Variants in SLAIN2 observed in about 807,000 individuals in gnomAD.
SLAIN2 encodes SLAIN motif-containing protein 2.
Under a neutral mutation model 56.6 loss-of-function variants are expected in SLAIN2, and 31 were observed. The observed-to-expected ratio is 0.55, with a 90% CI of 0.41 to 0.74. The LOEUF (loss-of-function observed/expected upper bound fraction) is 0.74, where lower values mean the gene tolerates loss of function less well. SLAIN2 is among the 30% of genes least tolerant of loss of function. The probability of loss-of-function intolerance (pLI) is 0.00; values close to 1 mark genes in which losing one functional copy is unlikely to be tolerated. For synonymous variants in SLAIN2, 317 were observed against 284.9 expected (o/e 1.11, Z -1.13); for missense variants, 777 against 754.2 (o/e 1.03, Z -0.35).
At chr4:48,400,351 T>C (rs1716514336) in intron 6 of SLAIN2, among the ~76,000 whole-genome samples, 4 of 151,586 alleles carry the variant, frequency 2.6e-5, no homozygotes, top group Admixed American at 2.6e-4. Context: ...CTGGTGATAT[T>C]CTCCTTATAA....
chr4:48,394,372 G>A (rs1438798637), intron 6 of SLAIN2, among the ~76,000 whole-genome samples: 1 of 152,106 alleles, frequency 6.6e-6, no homozygotes, highest in African/African-American at 2.4e-5. Context: ...TAAAGTTTAT[G>A]TTCTATCCCC....
At chr4:48,414,274 T>G (rs1716938583) in intron 6 of SLAIN2, among the ~76,000 whole-genome samples, 1 of 152,140 alleles carries the variant, frequency 6.6e-6, no homozygotes, top group Non-Finnish European at 1.5e-5. Context: ...ATATTTACAT[T>G]TGAGTTAATT....
chr4:48,371,978 ACACACACACACGCGCG>A (rs945008136), intron 2 of SLAIN2, among the ~76,000 whole-genome samples: 2 of 134,580 alleles, frequency 1.5e-5, no homozygotes, highest in Non-Finnish European at 3.3e-5. Context: ...ATATACACAC[ACACACACACACGCGCG>A]CACACACACA....
In SLAIN2 at chr4:48,342,916, T is replaced by C. The variant is rs770585381; in HGVS notation, c.389+788T>C. Among the ~76,000 whole-genome samples the C allele has an allele frequency of 3.3e-5, 5 of 152,092 alleles. No homozygotes were observed. The South Asian group carries it at 6.2e-4, about 19-fold the overall frequency. ...TTTAAAAATTTAAACCAAAGCTATA[T>C]TGTCATAAGCCACTTCTTGATGAAA... is the stretch of plus-strand genomic sequence containing the variant. On this transcript the variant is annotated intron_variant, in intron 1 of 7. Coordinates refer to ENST00000264313, the MANE Select transcript of SLAIN2 (RefSeq NM_020846.2).
Position 48,341,555 on chromosome 4 carries a change from A to T in SLAIN2, c.-185A>T. On this transcript the variant is annotated 5_prime_UTR_variant, in exon 1 of 8. Transcript: ENST00000264313. ...ATCCCGGAGCCGGCGCAGATGAGGC[A>T]GTTCGGCTGGGGCCAGCGGCGCTTT... The T allele has an allele frequency of 1.2e-6, 1 of 854,476 alleles. No individual in the cohort carries two copies. Among genetic ancestry groups the T allele is most frequent in the Non-Finnish European group, 1.6e-6 (1 of 608,416 alleles). 52.9% of individuals were successfully genotyped at this position (854,476 alleles called of 1,614,324 possible). A position where few individuals can be genotyped will look rare whatever the true frequency, so the allele number is the denominator to read the frequency against.
intron 6 of SLAIN2, among the ~76,000 whole-genome samples, chr4:48,400,388 CTTTTT>C (rs3081372): frequency 8.3e-5 from 8 of 96,446 alleles, no homozygotes; most frequent in South Asian, 3.1e-4. Flanking sequence ...TTTGATTCTT[CTTTTT>C]TTTTTTTTTT....
Position 48,351,932 on chromosome 4 carries a change from A to G in SLAIN2, c.389+9804A>G, listed in dbSNP as rs1715017673. Among the ~76,000 whole-genome samples, 6 of 152,204 alleles carry G rather than the reference A, an allele frequency of 3.9e-5. No homozygotes were observed. The South Asian group carries it at 1.2e-3, about 32-fold the overall frequency. On this transcript the variant is annotated intron_variant, in intron 1 of 7. Coordinates refer to ENST00000264313, the MANE Select transcript of SLAIN2 (RefSeq NM_020846.2). ...AAAGGTATTTTTTGCTGTCTGTGAG[A>G]ATCAACAAGTTTAGGGAAAAGAGCG... is the stretch of plus-strand genomic sequence containing the variant.
chr4:48,364,631 C>T (rs1233600712), intron 1 of SLAIN2, among the ~76,000 whole-genome samples: 13 of 112,626 alleles, frequency 1.2e-4, no homozygotes, highest in African/African-American at 3.7e-4. Context: ...CCCGGCACCT[C>T]GGGAGGCCGA....
At chr4:48,414,886 A>C (rs1306454705) in intron 6 of SLAIN2, among the ~76,000 whole-genome samples, 2 of 12,824 alleles carry the variant, frequency 1.6e-4, no homozygotes, top group Admixed American at 7.3e-4. Flanking sequence ...AAGGATATGA[A>C]CTCATCATTT....
At chr4:48,349,188 C>T (rs778385430) in intron 1 of SLAIN2, among the ~76,000 whole-genome samples, 4 of 152,100 alleles carry the variant, frequency 2.6e-5, no homozygotes, top group South Asian at 2.1e-4. Flanking sequence ...GTATATTTAA[C>T]GCAACCACCT....
chr4:48,419,187 C>T (rs1207140411), intron 6 of SLAIN2, among the ~76,000 whole-genome samples: 4 of 151,876 alleles, frequency 2.6e-5, no homozygotes, highest in African/African-American at 9.7e-5. Flanking sequence ...ATTGCAACCT[C>T]CGCCTCCTGG....
intron 5 of SLAIN2, 68 bp from the exon 6 acceptor site, chr4:48,383,579 C>A: frequency 7.7e-7 from 1 of 1,301,304 alleles, no homozygotes; most frequent in South Asian, 1.7e-5. Context: ...TTTTTGAATG[C>A]TAGTTAATAT....
At chr4:48,360,710 T>C (rs1457314263) in intron 1 of SLAIN2, among the ~76,000 whole-genome samples, 5 of 152,254 alleles carry the variant, frequency 3.3e-5, no homozygotes, top group African/African-American at 1.2e-4. Flanking sequence ...TTTAGTTTTA[T>C]AGTATTTTCA....
chr4:48,363,949 CGG>C (rs1715428096), intron 1 of SLAIN2, among the ~76,000 whole-genome samples: 1 of 106,882 alleles, frequency 9.4e-6, no homozygotes, highest in Admixed American at 8.7e-5. Context: ...CCCTCCCGGA[CGG>C]GGCGGCTGGC....
intron 6 of SLAIN2, among the ~76,000 whole-genome samples, chr4:48,385,383 G>C (rs1716074370): frequency 6.6e-6 from 1 of 152,038 alleles, no homozygotes; most frequent in African/African-American, 2.4e-5. Flanking sequence ...TATTCACTGG[G>C]GTCCTTGTAG....
intron 6 of SLAIN2, among the ~76,000 whole-genome samples, chr4:48,414,185 T>A (rs902408437): frequency 2.6e-5 from 4 of 152,200 alleles, no homozygotes; most frequent in Admixed American, 2.6e-4. Context: ...CGAGTGTAAT[T>A]CTTGGTATTC....
chr4:48,405,861 C>T (rs1716680488), intron 6 of SLAIN2, among the ~76,000 whole-genome samples: 1 of 152,080 alleles, frequency 6.6e-6, no homozygotes, highest in Non-Finnish European at 1.5e-5. Context: ...AATATTTGTT[C>T]TTTCCCTTTA....
intron 6 of SLAIN2, among the ~76,000 whole-genome samples, chr4:48,416,671 A>G (rs994496044): frequency 2.6e-5 from 4 of 151,712 alleles, no homozygotes; most frequent in African/African-American, 7.3e-5. Context: ...CCACAGTGCA[A>G]TCAAACTAGA....
chr4:48,376,966 C>T (rs1265678227), intron 2 of SLAIN2, among the ~76,000 whole-genome samples: 2 of 135,448 alleles, frequency 1.5e-5, no homozygotes, highest in African/African-American at 2.8e-5. Flanking sequence ...CTTAAACTGG[C>T]TTAATAATAG....
Sources: gnomAD v4.1 joint callset for allele counts (sites outside exome capture counted in the v4.1 genomes callset) on GRCh38, gnomAD v4.1.1 for gene constraint, MANE v1.5 for transcripts, NCBI Gene and HGNC (gene_info 2026-07-23, HGNC 2026-07-21) for gene names.